ZCCHC7: variants seen among roughly 807,000 people sequenced by gnomAD.
ZCCHC7 encodes the protein zinc finger CCHC-type containing 7.
ZCCHC7 carries 35 observed loss-of-function variants against 52.0 expected under a neutral mutation model. That is an observed-to-expected ratio of 0.67 (90% confidence interval 0.51 to 0.89). The LOEUF (loss-of-function observed/expected upper bound fraction) is 0.89. Among genes scored for constraint, ZCCHC7 ranks in the 40% least tolerant of loss-of-function variants. ZCCHC7 has a pLI of 0.00. For missense variants in ZCCHC7, 574 were observed against 649.1 expected, an observed-to-expected ratio of 0.88 and a Z score of 1.26; for synonymous variants, 217 against 221.5, an observed-to-expected ratio of 0.98 and a Z score of 0.18.
intron 2 of ZCCHC7, among the ~76,000 whole-genome samples, chr9:37,179,375 A>G (rs949725707): frequency 6.6e-6 from 1 of 152,184 alleles, no homozygotes; most frequent in African/African-American, 2.4e-5. Flanking sequence ...TACCTGCCGT[A>G]ATAGTGCGCT....
intron 2 of ZCCHC7, among the ~76,000 whole-genome samples, chr9:37,243,949 A>G (rs898279948): frequency 5.3e-5 from 8 of 151,850 alleles, no homozygotes; most frequent in African/African-American, 1.4e-4. Context: ...ATGACCGTAG[A>G]GTTTGTCTTC....
chr9:37,132,313 A>G (rs1287123534), intron 2 of ZCCHC7, among the ~76,000 whole-genome samples: 1 of 152,222 alleles, frequency 6.6e-6, no homozygotes, highest in Non-Finnish European at 1.5e-5. Context: ...AAGGGATATT[A>G]CTAGTTCTAG....
At chr9:37,356,335 T>G (rs1031147288) in intron 8 of ZCCHC7, among the ~76,000 whole-genome samples, 1 of 152,178 alleles carries the variant, frequency 6.6e-6, no homozygotes. Context: ...TCACACACAC[T>G]CCTCAAAGCC....
At chr9:37,238,575 G>A (rs556279137) in intron 2 of ZCCHC7, among the ~76,000 whole-genome samples, 3 of 151,844 alleles carry the variant, frequency 2.0e-5, no homozygotes, top group Admixed American at 6.6e-5. Context: ...AATGTTTCCC[G>A]ATCCACTTGA....
intron 2 of ZCCHC7, among the ~76,000 whole-genome samples, chr9:37,150,590 C>T (rs1370822274): frequency 1.3e-5 from 2 of 152,144 alleles, no homozygotes; most frequent in South Asian, 2.1e-4. Flanking sequence ...AACAGAAAAG[C>T]ATATTTTTGC....
chr9:37,319,752 A>C (rs545881521), intron 5 of ZCCHC7, among the ~76,000 whole-genome samples: 1 of 152,090 alleles, frequency 6.6e-6, no homozygotes, highest in Non-Finnish European at 1.5e-5. Context: ...ATTCTTTCAG[A>C]TGTTTCTACT....
intron 8 of ZCCHC7, among the ~76,000 whole-genome samples, chr9:37,355,414 T>G (rs570166718): frequency 8.5e-4 from 129 of 152,352 alleles, no homozygotes; most frequent in African/African-American, 2.6e-3. Flanking sequence ...CTTTCTTGCT[T>G]TAAAAACAAA....
At chr9:37,195,659 T>C in intron 2 of ZCCHC7, among the ~76,000 whole-genome samples, 1 of 152,058 alleles carries the variant, frequency 6.6e-6, no homozygotes, top group Admixed American at 6.6e-5. Context: ...GAAGAATAGA[T>C]AGGGAGAACA....
At chr9:37,150,107 G>GCTCA (rs1440174168) in intron 2 of ZCCHC7, among the ~76,000 whole-genome samples, 7 of 152,200 alleles carry the variant, frequency 4.6e-5, no homozygotes, top group Non-Finnish European at 8.8e-5. Context: ...CTACAATGAT[G>GCTCA]CTCAGTATGT....
At chr9:37,236,347 A>G (rs1825646965) in intron 2 of ZCCHC7, among the ~76,000 whole-genome samples, 1 of 151,856 alleles carries the variant, frequency 6.6e-6, no homozygotes, top group Non-Finnish European at 1.5e-5. Context: ...ATTTTAAAAT[A>G]TATTTTAACC....
chr9:37,290,090 A>G (rs1308802841), intron 2 of ZCCHC7, among the ~76,000 whole-genome samples: 2 of 152,004 alleles, frequency 1.3e-5, no homozygotes, highest in East Asian at 1.9e-4. Context: ...CATATTTAAT[A>G]TGTTTGGTTT....
chr9:37,213,278 G>A (rs1414182717), intron 2 of ZCCHC7, among the ~76,000 whole-genome samples: 7 of 151,986 alleles, frequency 4.6e-5, no homozygotes, highest in Non-Finnish European at 1.0e-4. Context: ...AACCTGACCT[G>A]GATAGTGTTA....
chr9:37,277,544 A>G (rs1191428729), intron 2 of ZCCHC7, among the ~76,000 whole-genome samples: 1 of 152,198 alleles, frequency 6.6e-6, no homozygotes, highest in Non-Finnish European at 1.5e-5. Flanking sequence ...ACCAAACCAA[A>G]GTGGGCAGAA....
chr9:37,146,759 A>G (rs1241825106), intron 2 of ZCCHC7, among the ~76,000 whole-genome samples: 2 of 151,928 alleles, frequency 1.3e-5, no homozygotes, highest in Non-Finnish European at 2.9e-5. Context: ...AGATTTAAAA[A>G]TTTTGTTTCT....
At chr9:37,296,937 G>T (rs1344908788) in intron 2 of ZCCHC7, among the ~76,000 whole-genome samples, 1 of 141,798 alleles carries the variant, frequency 7.1e-6, no homozygotes. Flanking sequence ...GTTTCGTAGA[G>T]ATGAGGTCTC....
intron 2 of ZCCHC7, among the ~76,000 whole-genome samples, chr9:37,131,725 A>AT (rs936756548): frequency 4.5e-4 from 68 of 151,482 alleles, no homozygotes; most frequent in Non-Finnish European, 8.4e-4. Context: ...ACTCAGAGGC[A>AT]TTTTTTTTTC....
At chr9:37,308,583 A>G (rs1328679346) in intron 5 of ZCCHC7, among the ~76,000 whole-genome samples, 1 of 152,176 alleles carries the variant, frequency 6.6e-6, no homozygotes, top group Non-Finnish European at 1.5e-5. Context: ...ATCTAAAATG[A>G]GAATTAATAA....
intron 2 of ZCCHC7, among the ~76,000 whole-genome samples, chr9:37,279,016 T>A (rs1390596085): frequency 6.6e-6 from 1 of 152,120 alleles, no homozygotes; most frequent in African/African-American, 2.4e-5. Flanking sequence ...CTGTCTCTAT[T>A]AAAAAAATTA....
chr9:37,295,259 C>T (rs1828732370), intron 2 of ZCCHC7, among the ~76,000 whole-genome samples: 1 of 151,966 alleles, frequency 6.6e-6, no homozygotes, highest in Non-Finnish European at 1.5e-5. Context: ...CAACAGGAAA[C>T]TGGGGAAATT....
Sources: allele counts gnomAD v4.1 joint callset (sites outside exome capture counted in the v4.1 genomes callset), GRCh38; gene constraint gnomAD v4.1.1; transcripts MANE v1.5; gene names NCBI Gene and HGNC (gene_info 2026-07-23, HGNC 2026-07-21).